The following SLC7A2 variants were observed in gnomAD, a reference collection of about 807,000 sequenced individuals.
SLC7A2 encodes solute carrier family 7 member 2, also known as cationic amino acid transporter 2.
Under a neutral mutation model 58.9 loss-of-function variants are expected in SLC7A2, and 48 were observed. That is an observed-to-expected ratio of 0.82 (90% CI 0.65 to 1.04). The LOEUF (loss-of-function observed/expected upper bound fraction) is 1.04. SLC7A2 is among the 50% of genes least tolerant of loss of function. The pLI is 0.00. For missense variants in SLC7A2, 1,029 were observed against 818.8 expected (o/e 1.26, Z -3.13); for synonymous variants, 363 against 314.5 (o/e 1.15, Z -1.63).
intron 8 of SLC7A2, among the ~76,000 whole-genome samples, chr8:17,555,601 C>T (rs750974461): frequency 8.6e-5 from 13 of 151,890 alleles, no homozygotes; most frequent in Admixed American, 4.6e-4. Context: ...CCCTTGTGAT[C>T]GCCATCCTCA....
intron 2 of SLC7A2, among the ~76,000 whole-genome samples, chr8:17,533,102 C>A (rs1395225125): frequency 6.6e-6 from 1 of 152,112 alleles, no homozygotes. Context: ...TCATGAAGAA[C>A]CAGCACCCTT....
At chr8:17,532,223 C>G (rs562421587) in intron 2 of SLC7A2, among the ~76,000 whole-genome samples, 3 of 84,488 alleles carry the variant, frequency 3.6e-5, no homozygotes, top group East Asian at 4.0e-4. Flanking sequence ...GGGCAAGACT[C>G]TATCTCAAAA....
intron 1 of SLC7A2, 70 bp from the exon 2 acceptor site, chr8:17,502,187 G>C (rs1300721023): frequency 7.2e-6 from 1 of 139,532 alleles, no homozygotes; most frequent in African/African-American, 2.5e-5. Context: ...GGAGGTGGAG[G>C]TTTGAAAAAA....
chr8:17,524,426 A>C (rs1291969837), intron 2 of SLC7A2, among the ~76,000 whole-genome samples: 2 of 130,576 alleles, frequency 1.5e-5, no homozygotes, highest in African/African-American at 6.2e-5. Context: ...GTGTGTACAC[A>C]CACACACACA....
In SLC7A2 at chr8:17,497,823, G is replaced by A. The variant is rs186753279; in HGVS notation, c.-69+586G>A. Among the ~76,000 whole-genome samples the A allele has an allele frequency of 1.6e-4, 24 of 152,234 alleles. No homozygotes were observed. The East Asian group carries it at 3.7e-3, about 23-fold the overall frequency. On this transcript the variant is annotated intron_variant, in intron 1 of 12. Coordinates refer to ENST00000494857, the MANE Select transcript of SLC7A2 (RefSeq NM_001370338.1). Reference sequence around the variant, plus strand: ...TGTATTGGGTATTTTAAAGTAACTGGGTGCCTTTTAAAATCCGTTTGAGAT... The same window carrying A: ...TGTATTGGGTATTTTAAAGTAACTGAGTGCCTTTTAAAATCCGTTTGAGAT...
At position 17,550,474 on chromosome 8, in the gene SLC7A2, C is replaced by T. The variant is rs370102726; in HGVS notation, c.832+40C>T. 1.9e-6 allele frequency: 3 copies of T among 1,593,804 alleles called. No homozygotes were observed. In the African/African-American group the frequency reaches 4.0e-5, roughly 21 times the overall value. ...TTGGCTCAGTGTAGAAGGAGTGTTC[C>T]TTGTTGTGCACGAGTACCCGTGTGT... On this transcript the variant is annotated intron_variant, in intron 6 of 12. Transcript: ENST00000494857.
At chr8:17,557,252 C>G (rs1252384744) in intron 8 of SLC7A2, among the ~76,000 whole-genome samples, 2 of 152,186 alleles carry the variant, frequency 1.3e-5, no homozygotes, top group Non-Finnish European at 2.9e-5. Flanking sequence ...TATCTACTTA[C>G]TATGACACAG....
chr8:17,514,472 A>G (rs564489811), intron 2 of SLC7A2, among the ~76,000 whole-genome samples: 2 of 152,350 alleles, frequency 1.3e-5, no homozygotes, highest in Non-Finnish European at 2.9e-5. Context: ...TCTCAAAAAT[A>G]TATCTAGAAA....
chr8:17,497,594 C>T (rs1013282240), intron 1 of SLC7A2, among the ~76,000 whole-genome samples: 3 of 152,204 alleles, frequency 2.0e-5, no homozygotes, highest in Non-Finnish European at 2.9e-5. Flanking sequence ...TCGCGGGGAC[C>T]CTTCAGTCAC....
intron 2 of SLC7A2, among the ~76,000 whole-genome samples, chr8:17,507,269 T>A (rs1800407307): frequency 6.6e-6 from 1 of 152,174 alleles, no homozygotes; most frequent in East Asian, 1.9e-4. Context: ...AAATTGGGGA[T>A]CAGTACAATT....
chr8:17,529,519 GTTTTGTTT>G (rs1383686914), intron 2 of SLC7A2, among the ~76,000 whole-genome samples: 2 of 141,166 alleles, frequency 1.4e-5, no homozygotes, highest in East Asian at 2.1e-4. Context: ...TTTGTTTTTG[GTTTTGTTT>G]TTTTGTTTTT....
At chr8:17,562,180 ATTT>A (rs200130071) in intron 11 of SLC7A2, 70 bp downstream of exon 11, 816 of 592,568 alleles carry the variant, frequency 1.4e-3, no homozygotes, top group African/African-American at 5.8e-3. Flanking sequence ...TTTGGTAAGT[ATTT>A]TTTTTTTTTT....
rs183299298 is a variant in SLC7A2, at chr8:17,535,794, T to A, written c.-22-7524T>A. On this transcript the variant is annotated intron_variant, in intron 2 of 12. Transcript: ENST00000494857. ...GGTGGGCGCCTGTAGTCACAGATAC[T>A]TGGGAAGCTGAGGCAGGAGAATCGC... Among the ~76,000 whole-genome samples, 5 of 151,980 alleles carry A rather than the reference T, an allele frequency of 3.3e-5. No individual in the cohort carries two copies. In the East Asian group the frequency reaches 9.7e-4, roughly 30 times the overall value.
At chr8:17,511,359 A>G (rs1315998420) in intron 2 of SLC7A2, 1 of 152,168 alleles carries the variant, frequency 6.6e-6, no homozygotes, top group African/African-American at 2.4e-5. Context: ...CTTTTATTTC[A>G]GTGCCTAGGA....
chr8:17,506,279 T>G (rs560176680), intron 2 of SLC7A2, among the ~76,000 whole-genome samples: 1 of 152,322 alleles, frequency 6.6e-6, no homozygotes, highest in East Asian at 1.9e-4. Context: ...CTCTTGAAAC[T>G]TAGCAGAATT....
intron 2 of SLC7A2, among the ~76,000 whole-genome samples, chr8:17,529,692 G>A (rs1756529306): frequency 6.6e-6 from 1 of 151,874 alleles, no homozygotes. Context: ...CCACCACCAT[G>A]CCCAGCTAAT....
rs1004352826 is a variant in SLC7A2, at chr8:17,568,501, G to A, written c.*3355G>A. 5.9e-5 allele frequency: 9 copies of A among 152,006 alleles called. No individual in the cohort carries two copies. The highest frequency in any genetic ancestry group is 7.4e-5 in the Non-Finnish European group (5 of 68,008). The allele number at this position is 152,006 out of a possible 1,614,324, so 9.4% of individuals were successfully genotyped here. ...ATATAGAACTTTACCATCACCAGCC[G>A]TAGTTGATAGAAAATATTAGTTTCA... On this transcript the variant is annotated 3_prime_UTR_variant, in exon 13 of 13. Transcript: ENST00000494857.
At chr8:17,506,268 T>C (rs778970659) in intron 2 of SLC7A2, among the ~76,000 whole-genome samples, 9 of 152,168 alleles carry the variant, frequency 5.9e-5, no homozygotes, top group Admixed American at 5.2e-4. Flanking sequence ...TGCTTTAAAC[T>C]CTCTTGAAAC....
chr8:17,529,486 A>G (rs900710773), intron 2 of SLC7A2, among the ~76,000 whole-genome samples: 2 of 151,700 alleles, frequency 1.3e-5, no homozygotes, highest in Non-Finnish European at 2.9e-5. Context: ...CATGGGGCTC[A>G]GTCTCTACGG....
Sources: gnomAD v4.1 joint callset for allele counts (sites outside exome capture counted in the v4.1 genomes callset) on GRCh38, gnomAD v4.1.1 for gene constraint, MANE v1.5 for transcripts, NCBI Gene and HGNC (gene_info 2026-07-23, HGNC 2026-07-21) for gene names.